MYH13: variants seen among roughly 807,000 people sequenced by gnomAD.
MYH13 encodes the protein myosin-13.
In MYH13, 177 loss-of-function variants were observed where a neutral mutation model predicts 232.1. The ratio of observed to expected loss-of-function variants is 0.76; its 90% CI spans 0.67 to 0.86. The LOEUF is 0.86. Among genes scored for constraint, MYH13 ranks in the 40% least tolerant of loss-of-function variants. MYH13 has a pLI of 0.00. For missense variants in MYH13, 2,246 were observed against 2,405.9 expected (o/e 0.93, Z 1.39); for synonymous variants, 884 against 923.5 (o/e 0.96, Z 0.78).
At chr17:10,327,211 C>T (rs937773004) in intron 22 of MYH13, among the ~76,000 whole-genome samples, 6 of 150,494 alleles carry the variant, frequency 4.0e-5, no homozygotes, top group Admixed American at 1.3e-4. Context: ...CCGTTTTAGC[C>T]GGGATGGTCT....
chr17:10,326,981 G>GTT (rs61543278), intron 22 of MYH13, among the ~76,000 whole-genome samples: 723 of 55,832 alleles, frequency 0.013, 321 homozygotes, highest in South Asian at 0.017. Flanking sequence ...ATGCCTACTA[G>GTT]TTTTTTTTTT....
At chr17:10,347,955 G>A (rs1484955485) in intron 12 of MYH13, among the ~76,000 whole-genome samples, 1 of 151,928 alleles carries the variant, frequency 6.6e-6, no homozygotes, top group Non-Finnish European at 1.5e-5. Flanking sequence ...CTGACCTTGT[G>A]ATCTGCCCAC....
chr17:10,312,510 T>G (rs1391872275), intron 31 of MYH13, 64 bp downstream of exon 31: 2 of 1,513,650 alleles, frequency 1.3e-6, no homozygotes, highest in Non-Finnish European at 1.8e-6. Flanking sequence ...TTCATGTAAA[T>G]AGCATTTCCC....
At chr17:10,315,565 A>G in intron 29 of MYH13, 128 bp downstream of exon 29, 2 of 798,582 alleles carry the variant, frequency 2.5e-6, no homozygotes, top group Admixed American at 2.5e-5. Context: ...AAGTGCTGGG[A>G]TTACAGGTGT....
intron 1 of MYH13, among the ~76,000 whole-genome samples, chr17:10,371,961 CA>C (rs2071880585): frequency 1.3e-5 from 2 of 152,088 alleles, no homozygotes; most frequent in Admixed American, 6.6e-5. Flanking sequence ...GAAAAATTTT[CA>C]ATATCAAATG....
intron 27 of MYH13, among the ~76,000 whole-genome samples, chr17:10,318,223 C>T (rs1008110151): frequency 3.3e-5 from 5 of 152,216 alleles, no homozygotes; most frequent in African/African-American, 1.2e-4. Context: ...GCCTGGGGAA[C>T]AAGAGCGAAA....
At chr17:10,366,108 T>C (rs2071834707) in intron 2 of MYH13, among the ~76,000 whole-genome samples, 1 of 152,082 alleles carries the variant, frequency 6.6e-6, no homozygotes, top group South Asian at 2.1e-4. Context: ...TTCCCACTTA[T>C]AAGGGAGAAG....
In MYH13 at chr17:10,364,464, CCTT is replaced by C; in HGVS notation, c.64_66del (p.Lys22del). On this transcript the variant is annotated inframe_deletion, in exon 3 of 41. Coordinates refer to ENST00000252172, the MANE Select transcript of MYH13 (RefSeq NM_003802.3). ...GGACGATTTTGAGCCTCGATTCTCT[CCTT>C]CTCTGGTTTCCGGAGGTAGGGAGCT... 1 of 1,612,480 alleles carries C rather than the reference CCTT, an allele frequency of 6.2e-7. No individual in the cohort carries two copies. Among genetic ancestry groups the C allele is most frequent in the Non-Finnish European group, 8.5e-7 (1 of 1,179,254 alleles).
intron 18 of MYH13, among the ~76,000 whole-genome samples, chr17:10,333,467 C>T (rs1193193489): frequency 6.6e-6 from 1 of 152,246 alleles, no homozygotes; most frequent in East Asian, 1.9e-4. Context: ...AGCCCTGACT[C>T]TGCAGCAAGG....
At chr17:10,364,294 A>C in intron 3 of MYH13, 33 bp downstream of exon 3, 2 of 1,588,062 alleles carry the variant, frequency 1.3e-6, no homozygotes, top group Non-Finnish European at 1.7e-6. Flanking sequence ...GAGCATGCCC[A>C]TATTATCAAA....
intron 22 of MYH13, among the ~76,000 whole-genome samples, chr17:10,325,959 G>A (rs1907184464): frequency 6.6e-6 from 1 of 152,218 alleles, no homozygotes; most frequent in Non-Finnish European, 1.5e-5. Flanking sequence ...ACAGGCGTGA[G>A]CCACCACGCC....
In MYH13 at chr17:10,312,844, G is replaced by A. The variant is rs371744269; in HGVS notation, c.4182-87C>T. 3.3e-5 allele frequency: 47 copies of A among 1,412,590 alleles called. No individual in the cohort carries two copies. The Middle Eastern group carries it at 5.5e-4, about 17-fold the overall frequency. 87.5% of individuals were successfully genotyped at this position (1,412,590 alleles called of 1,614,324 possible). ...TCAGATGGGAAGAGAAATGAATAGC[G>A]TGGAAGGGACTGGTGTTTGATGAGA... is the stretch of plus-strand genomic sequence containing the variant. On this transcript the variant is annotated intron_variant, in intron 30 of 40. Coordinates refer to ENST00000252172, the MANE Select transcript of MYH13 (RefSeq NM_003802.3).
Position 10,306,649 on chromosome 17 carries a change from A to C in MYH13, c.5296-20T>G. 2 of 1,613,536 alleles carry C rather than the reference A, an allele frequency of 1.2e-6. No homozygotes were observed. Among genetic ancestry groups the C allele is most frequent in the Non-Finnish European group, 1.7e-6 (2 of 1,179,932 alleles). Reference sequence around the variant, plus strand: ...GGCAGCCTGGTTAAGTTCACAGGACACATCAGAGGCCCTGTCCGCCCATCC... The same window carrying C: ...GGCAGCCTGGTTAAGTTCACAGGACCCATCAGAGGCCCTGTCCGCCCATCC... On this transcript the variant is annotated intron_variant, in intron 36 of 40. Coordinates refer to ENST00000252172, the MANE Select transcript of MYH13 (RefSeq NM_003802.3). The surrounding 1 kb of genome is among the most constrained non-coding windows in gnomAD (Gnocchi z 4.3).
chr17:10,324,503 C>T (rs1345191797), intron 22 of MYH13, among the ~76,000 whole-genome samples: 1 of 152,152 alleles, frequency 6.6e-6, no homozygotes, highest in Admixed American at 6.5e-5. Context: ...TGGAGTGTAG[C>T]GGCATGATCT....
chr17:10,320,191 G>A lies in MYH13; in HGVS notation c.3310C>T (p.His1104Tyr), dbSNP rs770378642. Residue 1104 changes from histidine (H) to tyrosine (Y), a missense_variant, in exon 26 of 41, where the codon CAC becomes TAC. By Grantham distance (83) the His-to-Tyr change is moderately conservative (BLOSUM62 2). Transcript: ENST00000252172. Reference protein sequence around the residue: ...LQAKIDDEQVHSLQFQKKIKE... With the variant: ...LQAKIDDEQVYSLQFQKKIKE... ...ATCTTCTTTTGAAACTGCAAACTGTGGACTTGTTCGTCATCTATTTTGGCT... is the reference window on the plus strand; with the variant it reads ...ATCTTCTTTTGAAACTGCAAACTGTAGACTTGTTCGTCATCTATTTTGGCT... 3 of 1,602,506 alleles carry A rather than the reference G, an allele frequency of 1.9e-6. No homozygotes were observed. The Admixed American group carries it at 5.2e-5, about 28-fold the overall frequency.
intron 7 of MYH13, 21 bp from the exon 8 acceptor site, chr17:10,357,848 G>GA (rs1567672046): frequency 1.3e-6 from 2 of 1,598,816 alleles, no homozygotes; most frequent in African/African-American, 1.3e-5. Context: ...ACAAGAAGAG[G>GA]AAAAAGAGGA....
rs1200117101 is a variant in MYH13, at chr17:10,324,239, T to C, written c.2717A>G (p.Glu906Gly). The C allele has an allele frequency of 1.2e-6, 2 of 1,613,754 alleles. No individual in the cohort carries two copies. Among genetic ancestry groups the C allele is most frequent in the South Asian group, 2.2e-5 (2 of 90,960 alleles). ...QSETENLMDA[E>G]ERCEGLIKSK... ...TTTGATGAGTCCTTCACACCGTTCC[T>C]CAGCGTCCATCAGATTTTCTGTTTC... is the stretch of plus-strand genomic sequence containing the variant. The change falls in exon 23 of 41, where the codon GAG (glutamate) becomes GGG (glycine). Residue 906 changes from glutamate (E) to glycine (G), a missense_variant. By Grantham distance (98) the Glu-to-Gly change is moderately conservative. Transcript: ENST00000252172.
intron 32 of MYH13, among the ~76,000 whole-genome samples, chr17:10,311,691 A>G (rs1906512640): frequency 6.6e-6 from 1 of 152,174 alleles, no homozygotes; most frequent in Admixed American, 6.5e-5. Flanking sequence ...TCAGCAACCC[A>G]CTGTTCCTTC....
chr17:10,350,559 C>G lies in MYH13; in HGVS notation c.1141G>C (p.Glu381Gln), dbSNP rs760092709. ...REEQAEPDGT[E>Q]VADKAGYLMG... Reference sequence around the variant, plus strand: ...TCCCTTTCCCAGATGCAGTTACCTTCGGTGCCGTCTGGCTCCGCCTGCTCC... The same window carrying G: ...TCCCTTTCCCAGATGCAGTTACCTTGGGTGCCGTCTGGCTCCGCCTGCTCC... Residue 381 changes from glutamate (E) to glutamine (Q), a missense_variant, in exon 12 of 41, where the codon GAA (glutamate) becomes CAA (glutamine). Physicochemically the swap from Glu to Gln is conservative, Grantham distance 29. Transcript: ENST00000252172. 29 of 1,611,996 alleles carry G rather than the reference C, an allele frequency of 1.8e-5. No individual in the cohort carries two copies. The highest frequency in any genetic ancestry group is 3.4e-6 in the Non-Finnish European group (4 of 1,179,652).
Sources: gnomAD v4.1 joint callset for allele counts (sites outside exome capture counted in the v4.1 genomes callset) on GRCh38, gnomAD v4.1.1 for gene constraint, Gnocchi (gnomAD v3.1) non-coding constraint, MANE v1.5 for transcripts, NCBI Gene and HGNC (gene_info 2026-07-23, HGNC 2026-07-21) for gene names.